EMSY: variants seen among roughly 807,000 people sequenced by gnomAD.
EMSY encodes the protein BRCA2-interacting transcriptional repressor EMSY.
EMSY carries 26 observed loss-of-function variants against 134.6 expected under a neutral mutation model. That is an observed-to-expected ratio of 0.19 (90% confidence interval 0.14 to 0.27). The LOEUF is 0.27. EMSY is among the 10% of genes least tolerant of loss of function. The pLI is 1.00. For missense variants in EMSY, 1,305 were observed against 1,611.4 expected (o/e 0.81, Z 3.26); for synonymous variants, 579 against 577.8 (o/e 1.00, Z -0.03).
intron 4 of EMSY, among the ~76,000 whole-genome samples, chr11:76,457,749 G>C (rs1171031867): frequency 6.6e-6 from 1 of 152,092 alleles, no homozygotes; most frequent in East Asian, 1.9e-4. Context: ...TTTTCAAAAG[G>C]TTCAGTGAAT....
At chr11:76,470,192 T>A (rs941524328) in intron 7 of EMSY, among the ~76,000 whole-genome samples, 4 of 152,172 alleles carry the variant, frequency 2.6e-5, no homozygotes, top group African/African-American at 9.6e-5. Flanking sequence ...TTAGAAGTGA[T>A]ATAAAAATGA....
intron 5 of EMSY, 194 bp from the exon 7 acceptor site, chr11:76,459,739 A>G: frequency 1.9e-6 from 1 of 532,682 alleles, no homozygotes; most frequent in Non-Finnish European, 3.2e-6. Context: ...AATACTTGGG[A>G]AAAATCTATT....
At chr11:76,525,132 G>A (rs1205497839) in intron 12 of EMSY, among the ~76,000 whole-genome samples, 1 of 152,166 alleles carries the variant, frequency 6.6e-6, no homozygotes, top group Non-Finnish European at 1.5e-5. Flanking sequence ...CTGCTAGTTG[G>A]TTTTGTTTGG....
At chr11:76,489,641 A>T (rs191077582) in intron 8 of EMSY, among the ~76,000 whole-genome samples, 9 of 140,148 alleles carry the variant, frequency 6.4e-5, no homozygotes, top group East Asian at 2.1e-4. Context: ...GTCTTGCTCT[A>T]TCGCCCAGGC....
At chr11:76,467,709 A>T (rs1565286416) in intron 7 of EMSY, among the ~76,000 whole-genome samples, 1 of 152,156 alleles carries the variant, frequency 6.6e-6, no homozygotes, top group African/African-American at 2.4e-5. Context: ...AGATGATCAT[A>T]GGCCGGGTGT....
intron 7 of EMSY, among the ~76,000 whole-genome samples, chr11:76,471,566 C>CT (rs1334603296): frequency 2.0e-5 from 3 of 151,462 alleles, no homozygotes; most frequent in Non-Finnish European, 4.4e-5. Context: ...TCAGACTTTC[C>CT]TTTTTTTTGA....
chr11:76,445,859 C>T (rs1222732902), intron 1 of EMSY, among the ~76,000 whole-genome samples: 4 of 152,130 alleles, frequency 2.6e-5, no homozygotes, highest in Non-Finnish European at 4.4e-5. Flanking sequence ...TTCTTTATGT[C>T]ATACTGCCGG....
At chr11:76,493,067 C>T (rs1255560394) in intron 8 of EMSY, among the ~76,000 whole-genome samples, 1 of 152,122 alleles carries the variant, frequency 6.6e-6, no homozygotes, top group African/African-American at 2.4e-5. Context: ...GGGAAGCCCC[C>T]CCTTCCCTTG....
chr11:76,533,495 A>G (rs937823074), intron 14 of EMSY, among the ~76,000 whole-genome samples: 3 of 152,154 alleles, frequency 2.0e-5, no homozygotes, highest in African/African-American at 7.2e-5. Flanking sequence ...TTGGTGCTGG[A>G]GTTCTCAGAC....
intron 5 of EMSY, 40 bp from the exon 7 acceptor site, chr11:76,459,893 T>C (rs746691718): frequency 1.2e-6 from 2 of 1,605,306 alleles, no homozygotes; most frequent in Non-Finnish European, 1.7e-6. Context: ...TGGACAGTTT[T>C]GGTGAAAGTT....
At chr11:76,446,878 C>CTTTTTTT in intron 1 of EMSY, 22 bp from the exon 2 acceptor site, 1 of 1,168,332 alleles carries the variant, frequency 8.6e-7, no homozygotes, top group Admixed American at 2.3e-5. Flanking sequence ...GGTAATTTGA[C>CTTTTTTT]TTTTTTTTTT....
intron 13 of EMSY, 83 bp downstream of exon 14, chr11:76,526,718 A>C: frequency 7.7e-7 from 1 of 1,299,868 alleles, no homozygotes; most frequent in Non-Finnish European, 1.1e-6. Context: ...TTGAAGGAAA[A>C]GATCAGCAAT....
Position 76,549,949 on chromosome 11 carries a change from C to G in EMSY, c.3775-3C>G. ...AAAGATTCTCCTGTGTCTTCTCTTC[C>G]AGGCTATTCCTCAGTATGCTATTCC... is the stretch of plus-strand genomic sequence containing the variant. On this transcript the variant is annotated splice_region_variant and splice_polypyrimidine_tract_variant and intron_variant, in intron 20 of 20. Transcript: ENST00000334736. 6.2e-7 allele frequency: 1 copy of G among 1,605,690 alleles called. No individual in the cohort carries two copies.
At chr11:76,520,604 G>A (rs1368125308) in intron 11 of EMSY, among the ~76,000 whole-genome samples, 1 of 152,144 alleles carries the variant, frequency 6.6e-6, no homozygotes, top group Non-Finnish European at 1.5e-5. Context: ...CAGTTGTGAA[G>A]CTAGTTCATA....
At chr11:76,461,341 TTTAAA>T (rs1482258990) in intron 6 of EMSY, among the ~76,000 whole-genome samples, 4 of 152,192 alleles carry the variant, frequency 2.6e-5, no homozygotes, top group African/African-American at 7.2e-5. Flanking sequence ...GTCGGCCCTG[TTTAAA>T]TTAAAAGTTA....
At chr11:76,499,003 C>G (rs993119283) in intron 9 of EMSY, among the ~76,000 whole-genome samples, 1 of 152,182 alleles carries the variant, frequency 6.6e-6, no homozygotes, top group African/African-American at 2.4e-5. Context: ...GCTTTGTCAC[C>G]CAGGCTGGAG....
Position 76,524,953 on chromosome 11 carries a change from G to T in EMSY, c.1822-1509G>T, listed in dbSNP as rs142931279. Among the ~76,000 whole-genome samples the T allele has an allele frequency of 4.1e-3, 629 of 152,272 alleles. 6 individuals carry two copies. The highest frequency in any genetic ancestry group is 0.014 in the African/African-American group (602 of 41,552). Reference sequence around the variant, plus strand: ...GATCACTTGAGCCTGGGAGGCAGAGGTTGCAGTGAGCTGAGATCTTGCCAC... The same window carrying T: ...GATCACTTGAGCCTGGGAGGCAGAGTTTGCAGTGAGCTGAGATCTTGCCAC... On this transcript the variant is annotated intron_variant, in intron 12 of 20. Coordinates refer to ENST00000334736, the Ensembl canonical transcript of EMSY.
intron 7 of EMSY, among the ~76,000 whole-genome samples, chr11:76,470,184 A>G (rs1948515848): frequency 6.6e-6 from 1 of 152,176 alleles, no homozygotes; most frequent in Non-Finnish European, 1.5e-5. Flanking sequence ...GGCCTTCTTT[A>G]GAAGTGATAT....
exon 21 of EMSY, chr11:76,550,223 A>G: frequency 8.0e-7 from 1 of 1,250,508 alleles, no homozygotes; most frequent in Non-Finnish European, 1.0e-6. Context: ...TTTGATGACT[A>G]AAAAGAGCAC....
Sources: gnomAD v4.1 joint callset for allele counts (sites outside exome capture counted in the v4.1 genomes callset) on GRCh38, gnomAD v4.1.1 for gene constraint, MANE v1.5 for transcripts, NCBI Gene and HGNC (gene_info 2026-07-23, HGNC 2026-07-21) for gene names.